SYNE2: variants seen among roughly 807,000 people sequenced by gnomAD.
SYNE2 encodes nesprin-2.
SYNE2 carries 431 observed loss-of-function variants against 856.3 expected under a neutral mutation model. The observed-to-expected ratio is 0.50, with a 90% CI of 0.47 to 0.55. SYNE2 has a LOEUF of 0.55. Among genes scored for constraint, SYNE2 ranks in the 20% least tolerant of loss-of-function variants. The pLI, the probability that SYNE2 is intolerant of heterozygous loss-of-function variation, is 0.00. For synonymous variants in SYNE2, 2,923 were observed against 2,872.3 expected (o/e 1.02, Z -0.56); for missense variants, 8,129 against 8,023.2 (o/e 1.01, Z -0.50).
At chr14:64,089,833 A>G (rs2097594058) in intron 59 of SYNE2, 137 bp downstream of exon 59, 5 of 669,604 alleles carry the variant, frequency 7.5e-6, no homozygotes, top group Non-Finnish European at 1.3e-5. Flanking sequence ...ATTGATGGGA[A>G]TAACTATAAC....
rs1451754917 is a variant in SYNE2, at chr14:64,084,820, GTC to G, written c.11485-2846_11485-2845del. 22 of 607,650 alleles carry G rather than the reference GTC, an allele frequency of 3.6e-5. No individual in the cohort carries two copies. The South Asian group carries it at 3.9e-4, about 11-fold the overall frequency. 37.6% of individuals were successfully genotyped at this position (607,650 alleles called of 1,614,324 possible). On this transcript the variant is annotated intron_variant, in intron 57 of 115. Coordinates refer to ENST00000555002, the MANE Select transcript of SYNE2 (RefSeq NM_182914.3). ...CTTAGCTAAGTATCTCTGGCTCAAGGTCTCTCATGAGAATGCGGTCAAGGTGT... is the reference window on the plus strand; with the variant it reads ...CTTAGCTAAGTATCTCTGGCTCAAGGTCTCATGAGAATGCGGTCAAGGTGT...
chr14:63,781,633 T>C (rs886862390), intron 1 of SYNE2, among the ~76,000 whole-genome samples: 4 of 150,736 alleles, frequency 2.7e-5, no homozygotes, highest in Admixed American at 2.0e-4. Context: ...ACCCCAGAGG[T>C]AGAGAGAGAG....
chr14:64,037,811 C>T (rs1442288179), intron 45 of SYNE2, among the ~76,000 whole-genome samples: 9 of 144,588 alleles, frequency 6.2e-5, no homozygotes, highest in Admixed American at 2.7e-4. Context: ...CGCCCCTCAC[C>T]TCCCGGACGG....
intron 17 of SYNE2, 134 bp downstream of exon 17, chr14:63,982,928 A>G (rs2096597628): frequency 3.3e-6 from 3 of 911,418 alleles, no homozygotes; most frequent in Non-Finnish European, 5.0e-6. Context: ...AAAAATTTAG[A>G]ACATTTTTAT....
intron 50 of SYNE2, among the ~76,000 whole-genome samples, chr14:64,064,542 ATTTTTTTT>A (rs369447974): frequency 1.9e-5 from 2 of 103,610 alleles, no homozygotes; most frequent in African/African-American, 3.7e-5. Flanking sequence ...GTACTTTTAG[ATTTTTTTT>A]TTTTTTTTTT....
chr14:63,943,450 T>C (rs1180907566), intron 6 of SYNE2, among the ~76,000 whole-genome samples: 1 of 152,008 alleles, frequency 6.6e-6, no homozygotes, highest in Non-Finnish European at 1.5e-5. Flanking sequence ...ACTAGAAAAA[T>C]AGCATAACTA....
At position 64,037,850 on chromosome 14, in the gene SYNE2, C is replaced by G. The variant is rs2097106841; in HGVS notation, c.7221+6493C>G. On this transcript the variant is annotated intron_variant, in intron 45 of 115. Coordinates refer to ENST00000555002, the MANE Select transcript of SYNE2 (RefSeq NM_182914.3). ...GGCTGGCTGGGCGGGGGGCTGACAC[C>G]CCCACCTCCCTCCCGGACGGGGCGG... 4.6e-5 allele frequency among the ~76,000 whole-genome samples: 7 copies of G among 150,870 alleles called. No homozygotes were observed. The South Asian group carries it at 1.5e-3, about 32-fold the overall frequency.
intron 1 of SYNE2, among the ~76,000 whole-genome samples, chr14:63,776,849 C>A (rs967033372): frequency 6.6e-6 from 1 of 152,158 alleles, no homozygotes; most frequent in African/African-American, 2.4e-5. Flanking sequence ...GATCCGCCCA[C>A]CTTGGCCTCC....
intron 1 of SYNE2, among the ~76,000 whole-genome samples, chr14:63,814,900 A>C (rs1164442235): frequency 1.7e-5 from 1 of 60,412 alleles, no homozygotes; most frequent in African/African-American, 4.7e-5. Flanking sequence ...CCATATATAT[A>C]TCCATATATA....
At chr14:64,086,702 CTTTTTTTTTTTT>C (rs56168321) in intron 57 of SYNE2, among the ~76,000 whole-genome samples, 2 of 64,668 alleles carry the variant, frequency 3.1e-5, no homozygotes, top group African/African-American at 1.2e-4. Context: ...GTATGCAGGT[CTTTTTTTTTTTT>C]TTTTTTTTTT....
rs191230831 is a variant in SYNE2 at position 63,854,824 on chromosome 14, G to T, written c.-52+1681G>T. 1.2e-4 allele frequency among the ~76,000 whole-genome samples: 19 copies of T among 152,336 alleles called. No homozygotes were observed. The South Asian group carries it at 1.9e-3, about 15-fold the overall frequency. Reference sequence around the variant, plus strand: ...AATGTTTAGAGAACTGAGTCACAATGAGGTTATTCTGAGTAGTGCTCTCAC... The same window carrying T: ...AATGTTTAGAGAACTGAGTCACAATTAGGTTATTCTGAGTAGTGCTCTCAC... On this transcript the variant is annotated intron_variant, in intron 1 of 115. Coordinates refer to ENST00000555002, the MANE Select transcript of SYNE2 (RefSeq NM_182914.3).
At chr14:64,118,152 A>G (rs770042132) in intron 66 of SYNE2, among the ~76,000 whole-genome samples, 6 of 152,204 alleles carry the variant, frequency 3.9e-5, no homozygotes, top group African/African-American at 7.2e-5. Flanking sequence ...AATTCGCTCA[A>G]TGAATGGAAC....
At chr14:63,829,736 C>G (rs1348336490) in intron 1 of SYNE2, among the ~76,000 whole-genome samples, 2 of 152,120 alleles carry the variant, frequency 1.3e-5, no homozygotes, top group Non-Finnish European at 2.9e-5. Flanking sequence ...ACCTCCTCAG[C>G]CTGCCTCCCA....
chr14:64,119,040 C>G (rs766506957), intron 66 of SYNE2, among the ~76,000 whole-genome samples: 3 of 152,176 alleles, frequency 2.0e-5, no homozygotes, highest in Non-Finnish European at 4.4e-5. Context: ...TAGAGGCACA[C>G]TCCTCTAAAG....
At chr14:64,096,615 G>A (rs2097679572) in intron 61 of SYNE2, among the ~76,000 whole-genome samples, 1 of 152,186 alleles carries the variant, frequency 6.6e-6, no homozygotes, top group African/African-American at 2.4e-5. Context: ...TCAAACAGTT[G>A]TTATTTCCCA....
At chr14:64,079,643 C>T (rs1233920018) in intron 55 of SYNE2, among the ~76,000 whole-genome samples, 1 of 152,186 alleles carries the variant, frequency 6.6e-6, no homozygotes, top group Non-Finnish European at 1.5e-5. Flanking sequence ...AAAGCAGTTG[C>T]TCCTAATACA....
intron 79 of SYNE2, 144 bp downstream of exon 79, chr14:64,138,127 G>A (rs1444509327): frequency 3.9e-6 from 3 of 777,892 alleles, no homozygotes; most frequent in Non-Finnish European, 6.4e-6. Flanking sequence ...CCCTCTTCTG[G>A]GCTAAACGCG....
intron 1 of SYNE2, among the ~76,000 whole-genome samples, chr14:63,788,239 G>T (rs1887610564): frequency 6.6e-6 from 1 of 152,202 alleles, no homozygotes; most frequent in East Asian, 1.9e-4. Flanking sequence ...ACAGGGATGA[G>T]GAAGCCTTCC....
intron 1 of SYNE2, among the ~76,000 whole-genome samples, chr14:63,804,595 G>A (rs1888286976): frequency 6.6e-6 from 1 of 152,110 alleles, no homozygotes; most frequent in South Asian, 2.1e-4. Flanking sequence ...CCGGGTGCAA[G>A]CAATTCTCCT....
Sources: allele counts gnomAD v4.1 joint callset (sites outside exome capture counted in the v4.1 genomes callset), GRCh38; gene constraint gnomAD v4.1.1; transcripts MANE v1.5; gene names NCBI Gene and HGNC (gene_info 2026-07-23, HGNC 2026-07-21).